The following CACNA1C variants were observed in gnomAD, a reference collection of about 807,000 sequenced individuals.
CACNA1C encodes calcium voltage-gated channel subunit alpha1 C, also known as voltage-dependent L-type calcium channel subunit alpha-1C.
In CACNA1C, 30 loss-of-function variants were observed where a neutral mutation model predicts 229.0. That is an observed-to-expected ratio of 0.13 (90% CI 0.10 to 0.18). The LOEUF (loss-of-function observed/expected upper bound fraction) is 0.18. CACNA1C is among the 10% of genes least tolerant of loss of function. The pLI is 1.00. For synonymous variants in CACNA1C, 1,114 were observed against 1,132.5 expected (o/e 0.98, Z 0.33); for missense variants, 1,658 against 2,845.0 (o/e 0.58, Z 9.49).
At chr12:2,179,846 C>G (rs984140735) in intron 3 of CACNA1C, among the ~76,000 whole-genome samples, 1 of 152,236 alleles carries the variant, frequency 6.6e-6, no homozygotes, top group Non-Finnish European at 1.5e-5. Flanking sequence ...TTCCTGCCTC[C>G]AAACCACTGT....
chr12:2,266,196 C>CT (rs5795999), intron 3 of CACNA1C, among the ~76,000 whole-genome samples: 1 of 152,218 alleles, frequency 6.6e-6, no homozygotes, highest in South Asian at 2.1e-4. Flanking sequence ...AGCAGCCTCA[C>CT]TTTTTCCCTT....
At chr12:2,249,011 A>T (rs2074475131) in intron 3 of CACNA1C, among the ~76,000 whole-genome samples, 1 of 152,098 alleles carries the variant, frequency 6.6e-6, no homozygotes, top group Non-Finnish European at 1.5e-5. Context: ...GCCATGCTTG[A>T]CTGGCACCTC....
At chr12:2,083,790 G>A (rs765886794) in intron 1 of CACNA1C, among the ~76,000 whole-genome samples, 1 of 152,090 alleles carries the variant, frequency 6.6e-6, no homozygotes, top group Non-Finnish European at 1.5e-5. Flanking sequence ...AATGATGAGG[G>A]GGAGAAGCCA....
chr12:2,262,008 C>T (rs892572434), intron 3 of CACNA1C, among the ~76,000 whole-genome samples: 13 of 152,368 alleles, frequency 8.5e-5, no homozygotes, highest in Non-Finnish European at 1.3e-4. Context: ...CTTGGGAAGG[C>T]AGTGCCAGGG....
intron 3 of CACNA1C, among the ~76,000 whole-genome samples, chr12:2,422,698 G>T (rs1350174680): frequency 6.6e-6 from 1 of 152,214 alleles, no homozygotes; most frequent in African/African-American, 2.4e-5. Context: ...ACCCTGCAGG[G>T]AGGGTAAAGG....
chr12:2,399,567 G>A (rs1032501023), intron 3 of CACNA1C, among the ~76,000 whole-genome samples: 1 of 152,184 alleles, frequency 6.6e-6, no homozygotes, highest in Non-Finnish European at 1.5e-5. Context: ...CTGATGTCCA[G>A]CTGCCTCTTC....
chr12:2,336,809 A>G (rs1344248062), intron 3 of CACNA1C, among the ~76,000 whole-genome samples: 5 of 152,160 alleles, frequency 3.3e-5, no homozygotes, highest in African/African-American at 4.8e-5. Context: ...AATTAACACA[A>G]CAGCCTCCTG....
Position 2,506,407 on chromosome 12 carries a change from G to T in CACNA1C, c.1217+1462G>T, listed in dbSNP as rs552098292. On this transcript the variant is annotated intron_variant, in intron 8 of 46. Transcript: ENST00000399655. ...CTTGCTGGGTACATAATGTTGGGTG[G>T]TTTCACCTTTTTAAATCTTAGTTTC... 4.6e-5 allele frequency among the ~76,000 whole-genome samples: 7 copies of T among 152,270 alleles called. No individual in the cohort carries two copies. In the South Asian group the frequency reaches 1.5e-3, roughly 32 times the overall value.
At chr12:2,626,643 C>T (rs2086767582) in intron 29 of CACNA1C, among the ~76,000 whole-genome samples, 1 of 152,160 alleles carries the variant, frequency 6.6e-6, no homozygotes, top group African/African-American at 2.4e-5. Context: ...GGCACCTTTG[C>T]AGAAAACGGC....
intron 3 of CACNA1C, among the ~76,000 whole-genome samples, chr12:2,350,703 C>T (rs60840938): frequency 0.011 from 1,695 of 152,314 alleles, 27 homozygotes; most frequent in African/African-American, 0.038. Flanking sequence ...GGCTCAGCTG[C>T]CATTGGCCTG....
At chr12:2,424,074 A>G (rs2099005209) in intron 3 of CACNA1C, among the ~76,000 whole-genome samples, 1 of 152,240 alleles carries the variant, frequency 6.6e-6, no homozygotes. Context: ...CATATGGATC[A>G]GTAAATTTCC....
intron 3 of CACNA1C, among the ~76,000 whole-genome samples, chr12:2,242,327 AG>A (rs776214319): frequency 1.3e-5 from 2 of 152,212 alleles, no homozygotes; most frequent in Non-Finnish European, 2.9e-5. Flanking sequence ...CAGCAATGCA[AG>A]GATAATGAAA....
At position 2,317,322 on chromosome 12, in the gene CACNA1C, G is replaced by C. The variant is rs544141412; in HGVS notation, c.478-131654G>C. ...GAAATGTGATTGCAAGCTTTAAAAAGGAATGAAATTCTGATCCATGCTGCA... is the reference window on the plus strand; with the variant it reads ...GAAATGTGATTGCAAGCTTTAAAAACGAATGAAATTCTGATCCATGCTGCA... On this transcript the variant is annotated intron_variant, in intron 3 of 46. Coordinates refer to ENST00000399655, the MANE Select transcript of CACNA1C (RefSeq NM_000719.7). Among the ~76,000 whole-genome samples, 6 of 152,302 alleles carry C rather than the reference G, an allele frequency of 3.9e-5. No homozygotes were observed. The South Asian group carries it at 1.2e-3, about 32-fold the overall frequency.
At chr12:2,231,969 T>C (rs183961950) in intron 3 of CACNA1C, among the ~76,000 whole-genome samples, 108 of 152,298 alleles carry the variant, frequency 7.1e-4, no homozygotes, top group Middle Eastern at 3.4e-3. Flanking sequence ...AGTAGAAGAA[T>C]AGTGTAGAGT....
At chr12:2,197,353 C>T (rs745392724) in intron 3 of CACNA1C, among the ~76,000 whole-genome samples, 1 of 152,242 alleles carries the variant, frequency 6.6e-6, no homozygotes, top group African/African-American at 2.4e-5. Context: ...CTTGTGTCCA[C>T]TGGATCCTCT....
chr12:2,326,046 G>T (rs1444266012), intron 3 of CACNA1C, among the ~76,000 whole-genome samples: 1 of 152,250 alleles, frequency 6.6e-6, no homozygotes, highest in Non-Finnish European at 1.5e-5. Context: ...TCTGGGGGCA[G>T]CAGGGGGAGG....
intron 3 of CACNA1C, among the ~76,000 whole-genome samples, chr12:2,419,606 G>T (rs1437164126): frequency 6.6e-6 from 1 of 152,132 alleles, no homozygotes; most frequent in African/African-American, 2.4e-5. Flanking sequence ...ATAAGCAGGG[G>T]CCCCGCAGTC....
intron 3 of CACNA1C, among the ~76,000 whole-genome samples, chr12:2,308,578 T>C (rs962952944): frequency 6.6e-6 from 1 of 152,240 alleles, no homozygotes; most frequent in African/African-American, 2.4e-5. Flanking sequence ...CCATTTTGAT[T>C]ACTATAGCTT....
intron 3 of CACNA1C, among the ~76,000 whole-genome samples, chr12:2,306,732 T>A (rs2095055636): frequency 6.6e-6 from 1 of 152,230 alleles, no homozygotes; most frequent in African/African-American, 2.4e-5. Flanking sequence ...CACACTGGCT[T>A]AAAGTCACGC....
Sources: gnomAD v4.1 joint callset for allele counts (sites outside exome capture counted in the v4.1 genomes callset) on GRCh38, gnomAD v4.1.1 for gene constraint, MANE v1.5 for transcripts, NCBI Gene and HGNC (gene_info 2026-07-23, HGNC 2026-07-21) for gene names.